The following CDH18 variants were observed in gnomAD, a reference collection of about 807,000 sequenced individuals.
CDH18 encodes the protein cadherin 18.
CDH18 carries 31 observed loss-of-function variants against 67.9 expected under a neutral mutation model. The observed-to-expected ratio is 0.46, with a 90% CI of 0.34 to 0.62. The LOEUF (loss-of-function observed/expected upper bound fraction) is 0.62. Among genes scored for constraint, CDH18 ranks in the 20% least tolerant of loss-of-function variants. CDH18 has a pLI of 0.01. For missense variants in CDH18, 890 were observed against 975.5 expected, an observed-to-expected ratio of 0.91 and a Z score of 1.17; for synonymous variants, 362 against 347.2, an observed-to-expected ratio of 1.04 and a Z score of -0.48.
At chr5:19,612,323 A>T (rs1185605111) in intron 6 of CDH18, 111 bp downstream of exon 6, 2 of 1,067,524 alleles carry the variant, frequency 1.9e-6, no homozygotes, top group Non-Finnish European at 1.4e-6. Context: ...ATAGTACAAA[A>T]ACAGAACAAT....
At chr5:19,764,999 C>T (rs1237688644) in intron 3 of CDH18, among the ~76,000 whole-genome samples, 7 of 152,106 alleles carry the variant, frequency 4.6e-5, no homozygotes, top group Non-Finnish European at 1.0e-4. Context: ...CAAATGACTG[C>T]TTACAGAAGT....
At chr5:20,558,200 C>G (rs939477612) in intron 1 of CDH18, among the ~76,000 whole-genome samples, 1 of 151,984 alleles carries the variant, frequency 6.6e-6, no homozygotes. Flanking sequence ...TCTATAATGT[C>G]ATAATTTAAC....
intron 2 of CDH18, among the ~76,000 whole-genome samples, chr5:19,947,876 C>T (rs1365252203): frequency 6.6e-6 from 1 of 152,108 alleles, no homozygotes; most frequent in African/African-American, 2.4e-5. Context: ...GCAGACCACA[C>T]ATCAAACAAA....
chr5:19,619,432 G>C (rs1269766508), intron 5 of CDH18, among the ~76,000 whole-genome samples: 6 of 152,098 alleles, frequency 3.9e-5, no homozygotes, highest in Non-Finnish European at 1.5e-5. Flanking sequence ...GTACCTGTGG[G>C]GGAAGGCCAT....
intron 1 of CDH18, among the ~76,000 whole-genome samples, chr5:20,543,014 TG>T (rs921653865): frequency 1.3e-5 from 2 of 152,048 alleles, no homozygotes; most frequent in Non-Finnish European, 2.9e-5. Context: ...TGGCGTTTCA[TG>T]GCTAAATAAG....
chr5:20,087,469 A>C (rs1745061731), intron 2 of CDH18, among the ~76,000 whole-genome samples: 1 of 96,082 alleles, frequency 1.0e-5, no homozygotes, highest in Non-Finnish European at 2.6e-5. Flanking sequence ...TGACAGAGAA[A>C]TTTTTGTGGG....
chr5:20,100,134 G>T (rs1746331342), intron 2 of CDH18, among the ~76,000 whole-genome samples: 1 of 151,972 alleles, frequency 6.6e-6, no homozygotes, highest in Non-Finnish European at 1.5e-5. Context: ...AACTATTTAG[G>T]TCTACTTCCT....
intron 2 of CDH18, among the ~76,000 whole-genome samples, chr5:19,909,917 C>A (rs1408065249): frequency 6.6e-6 from 1 of 152,106 alleles, no homozygotes; most frequent in Admixed American, 6.6e-5. Context: ...AACTCAAAAA[C>A]TACATATGCG....
chr5:19,936,896 T>C (rs1301758360), intron 2 of CDH18, among the ~76,000 whole-genome samples: 1 of 151,164 alleles, frequency 6.6e-6, no homozygotes, highest in Non-Finnish European at 1.5e-5. Flanking sequence ...AATAATATTA[T>C]ACATATAGAT....
At chr5:19,812,497 T>A (rs1052010490) in intron 3 of CDH18, among the ~76,000 whole-genome samples, 3 of 152,048 alleles carry the variant, frequency 2.0e-5, no homozygotes, top group Admixed American at 2.0e-4. Flanking sequence ...AATAAATACA[T>A]GCAAAAAATT....
rs190738715 is a variant in CDH18, at chr5:20,335,010, A to G, written c.-579-79505T>C. Among the ~76,000 whole-genome samples the G allele has an allele frequency of 4.1e-3, 626 of 152,068 alleles. 2 individuals carry two copies. Among genetic ancestry groups the G allele is most frequent in the Non-Finnish European group, 6.9e-3 (469 of 67,984 alleles). On this transcript the variant is annotated intron_variant, in intron 1 of 14. Coordinates refer to the CDH18 transcript ENST00000507958. ...ACTGGACACAGTTGATACCTTCCTT[A>G]CTGGTCTTTTTGAGTCTTCTCTTTG... is the stretch of plus-strand genomic sequence containing the variant.
Position 20,331,648 on chromosome 5 carries a change from G to C in CDH18, c.-579-76143C>G, listed in dbSNP as rs563154844. Among the ~76,000 whole-genome samples, 7 of 152,222 alleles carry C rather than the reference G, an allele frequency of 4.6e-5. No individual in the cohort carries two copies. In the South Asian group the frequency reaches 1.5e-3, roughly 32 times the overall value. ...TAGACAACCAGGAATGTTCAAGAAT[G>C]ACTCAGGAGTATTTTATTGACAAGG... On this transcript the variant is annotated intron_variant, in intron 1 of 14. Coordinates refer to the CDH18 transcript ENST00000507958.
chr5:20,449,409 A>T (rs1053744437), intron 1 of CDH18, among the ~76,000 whole-genome samples: 2 of 152,090 alleles, frequency 1.3e-5, no homozygotes, highest in African/African-American at 4.8e-5. Context: ...AGAATATAAG[A>T]CTAAACATAC....
chr5:19,970,818 A>G (rs1041610701), intron 2 of CDH18, among the ~76,000 whole-genome samples: 8 of 151,326 alleles, frequency 5.3e-5, no homozygotes, highest in African/African-American at 1.9e-4. Flanking sequence ...TGTTTAAAAT[A>G]ATAAAGAAGA....
intron 11 of CDH18, among the ~76,000 whole-genome samples, chr5:19,499,115 T>C (rs1040253989): frequency 6.6e-6 from 1 of 152,194 alleles, no homozygotes; most frequent in Admixed American, 6.6e-5. Context: ...TCCAATTTTG[T>C]GCCTGGAAAC....
chr5:20,012,399 T>C (rs1367175737), intron 2 of CDH18, among the ~76,000 whole-genome samples: 2 of 143,908 alleles, frequency 1.4e-5, no homozygotes, highest in Non-Finnish European at 3.0e-5. Context: ...AAACACCAGC[T>C]CCTGGATTTG....
chr5:20,374,033 T>A (rs1743218054), intron 1 of CDH18, among the ~76,000 whole-genome samples: 1 of 152,166 alleles, frequency 6.6e-6, no homozygotes, highest in Admixed American at 6.5e-5. Context: ...CCTACTCATG[T>A]TATTATCATA....
chr5:20,238,423 C>T (rs762265018), intron 2 of CDH18, among the ~76,000 whole-genome samples: 29 of 151,938 alleles, frequency 1.9e-4, no homozygotes, highest in Non-Finnish European at 4.3e-4. Context: ...ATTTGAACAG[C>T]CATTTTTCCA....
intron 7 of CDH18, among the ~76,000 whole-genome samples, chr5:19,584,793 C>CAAAAAAAAAAAAAAAAAA (rs61297842): frequency 2.1e-4 from 16 of 75,012 alleles, no homozygotes; most frequent in Non-Finnish European, 2.6e-4. Context: ...ACTAAAAATA[C>CAAAAAAAAAAAAAAAAAA]AAAAAAAAAA....
Sources: gnomAD v4.1 joint callset for allele counts (sites outside exome capture counted in the v4.1 genomes callset) on GRCh38, gnomAD v4.1.1 for gene constraint, MANE v1.5 for transcripts, NCBI Gene and HGNC (gene_info 2026-07-23, HGNC 2026-07-21) for gene names.